The following MAP3K4 variants were observed in gnomAD, a reference collection of about 807,000 sequenced individuals.
The protein encoded by MAP3K4 is mitogen-activated protein kinase kinase kinase 4, also known as MAP three kinase 1.
Under a neutral mutation model 185.6 loss-of-function variants are expected in MAP3K4, and 67 were observed. The observed-to-expected ratio is 0.36, with a 90% CI of 0.30 to 0.44. The LOEUF is 0.44. Among genes scored for constraint, MAP3K4 ranks in the 20% least tolerant of loss-of-function variants. MAP3K4 has a pLI of 1.00. For synonymous variants in MAP3K4, 702 were observed against 710.4 expected, an observed-to-expected ratio of 0.99 and a Z score of 0.19; for missense variants, 1,551 against 1,995.1, an observed-to-expected ratio of 0.78 and a Z score of 4.24.
In MAP3K4 at chr6:161,056,624, T is replaced by G. The variant is rs1299851246; in HGVS notation, c.1707+6645T>G. On this transcript the variant is annotated intron_variant, in intron 3 of 26. Coordinates refer to ENST00000392142, the MANE Select transcript of MAP3K4 (RefSeq NM_005922.4). This position sits in a 1 kb window ranked among gnomAD's most constrained non-coding sequence, Gnocchi z 5.4. ...CATACGTGTAAAGTAGTTTCAGAAT[T>G]GCTAACCAGTACCCCTGTGAGGAAT... Among the ~76,000 whole-genome samples the G allele has an allele frequency of 6.6e-6, 1 of 152,212 alleles. No individual in the cohort carries two copies. Among genetic ancestry groups the G allele is most frequent in the Non-Finnish European group, 1.5e-5 (1 of 68,040 alleles).
At chr6:161,000,795 A>G (rs555103104) in intron 1 of MAP3K4, among the ~76,000 whole-genome samples, 1 of 141,690 alleles carries the variant, frequency 7.1e-6, no homozygotes, top group East Asian at 1.9e-4. Context: ...ATATACACAC[A>G]TGTGTACACC....
Position 161,049,457 on chromosome 6 carries a change from G to A in MAP3K4, c.1185G>A (p.Leu395=), listed in dbSNP as rs1783899772. 1 of 1,614,064 alleles carries A rather than the reference G, an allele frequency of 6.2e-7. No homozygotes were observed. The highest frequency in any genetic ancestry group is 1.3e-5 in the African/African-American group (1 of 74,930). The change falls in exon 3 of 27, where the codon TTG becomes TTA. Residue 395 remains leucine, a synonymous_variant. Transcript: ENST00000392142. The surrounding 1 kb of genome is among the most constrained non-coding windows in gnomAD (Gnocchi z 8.4). ...AGGACAGGGTGCAGGCACTCTGTTT[G>A]TGGTTAAACATCACAAAAGACTTAA... ...DFQDRVQALC[L]WLNITKDLNQ...
Position 161,092,057 on chromosome 6 carries a change from G to A in MAP3K4, c.3183G>A (p.Lys1061=), listed in dbSNP as rs768841963. The A allele has an allele frequency of 1.2e-6, 2 of 1,613,620 alleles. No individual in the cohort carries two copies. Among genetic ancestry groups the A allele is most frequent in the Non-Finnish European group, 8.5e-7 (1 of 1,179,592 alleles). ...TGATGTCTGGGGAGTTTAGACAGAA[G>A]ATAGGAGACAAATATATAAGCTTTG... is the stretch of plus-strand genomic sequence containing the variant. ...VRLMSGEFRQ[K]IGDKYISFAR... The change falls in exon 13 of 27, where the codon AAG becomes AAA. Residue 1061 remains lysine, a synonymous_variant. Transcript: ENST00000392142.
chr6:161,001,446 G>C (rs972344738), intron 1 of MAP3K4, among the ~76,000 whole-genome samples: 1 of 151,756 alleles, frequency 6.6e-6, no homozygotes, highest in Non-Finnish European at 1.5e-5. Context: ...CATTTCCCCC[G>C]CTTCCCCCCA....
intron 1 of MAP3K4, among the ~76,000 whole-genome samples, chr6:161,021,235 G>A (rs1782370990): frequency 6.6e-6 from 1 of 152,134 alleles, no homozygotes; most frequent in African/African-American, 2.4e-5. Context: ...TTTTCCCTCT[G>A]TTAGCTACCA....
chr6:161,108,021 G>A lies in MAP3K4; in HGVS notation c.4119+52G>A, dbSNP rs748581656. 1 of 1,517,076 alleles carries A rather than the reference G, an allele frequency of 6.6e-7. No individual in the cohort carries two copies. Among genetic ancestry groups the A allele is most frequent in the African/African-American group, 1.4e-5 (1 of 72,810 alleles). The allele number at this position is 1,517,076 out of a possible 1,614,324, so 94.0% of individuals were successfully genotyped here. On this transcript the variant is annotated intron_variant, in intron 21 of 26. Coordinates refer to ENST00000392142, the MANE Select transcript of MAP3K4 (RefSeq NM_005922.4). The surrounding 1 kb of genome is among the most constrained non-coding windows in gnomAD (Gnocchi z 5.7). ...TTGGGCCTGGCGGCTCTGGGTGATAGAAATTCCGTATAGACGCTGGTCGTG... is the reference window on the plus strand; with the variant it reads ...TTGGGCCTGGCGGCTCTGGGTGATAAAAATTCCGTATAGACGCTGGTCGTG...
rs540116166 is a variant in MAP3K4, at chr6:160,996,529, G to A, written c.152+4446G>A. 3.3e-5 allele frequency among the ~76,000 whole-genome samples: 5 copies of A among 152,234 alleles called. No homozygotes were observed. In the South Asian group the frequency reaches 1.0e-3, roughly 32 times the overall value. On this transcript the variant is annotated intron_variant, in intron 1 of 26. Transcript: ENST00000392142. The surrounding 1 kb of genome is among the most constrained non-coding windows in gnomAD (Gnocchi z 4.5). Reference sequence around the variant, plus strand: ...CCTCATGACTATGATTTTACTCATAGCATTCTATTGTCTCAGCCTTGTCAT... The same window carrying A: ...CCTCATGACTATGATTTTACTCATAACATTCTATTGTCTCAGCCTTGTCAT...
At chr6:161,068,044 T>C (rs1255529158) in intron 3 of MAP3K4, among the ~76,000 whole-genome samples, 1 of 152,200 alleles carries the variant, frequency 6.6e-6, no homozygotes, top group East Asian at 1.9e-4. Flanking sequence ...ACTGGCACTT[T>C]TATAGGAGTA....
chr6:161,047,149 TA>T (rs1783768466), intron 2 of MAP3K4, among the ~76,000 whole-genome samples: 1 of 143,548 alleles, frequency 7.0e-6, no homozygotes, highest in African/African-American at 2.6e-5. Context: ...TATATATGTT[TA>T]AAAAAATGGG....
At position 161,106,380 on chromosome 6, in the gene MAP3K4, G is replaced by A. The variant is rs539394689; in HGVS notation, c.3857-134G>A. On this transcript the variant is annotated intron_variant, in intron 19 of 26. Transcript: ENST00000392142. This position sits in a 1 kb window ranked among gnomAD's most constrained non-coding sequence, Gnocchi z 4.9. ...TTTGAAGAACTTTAATTCACCTGCT[G>A]TTTATCTGAATAGATAATAAGCTTT... The A allele has an allele frequency of 8.3e-6, 5 of 601,660 alleles. No individual in the cohort carries two copies. 37.3% of individuals were successfully genotyped at this position (601,660 alleles called of 1,614,324 possible).
rs1223939955 is a variant in MAP3K4, at chr6:161,077,523, C to A, written c.2098-3358C>A. Among the ~76,000 whole-genome samples the A allele has an allele frequency of 2.0e-5, 3 of 152,200 alleles. No homozygotes were observed. Among genetic ancestry groups the A allele is most frequent in the African/African-American group, 7.2e-5 (3 of 41,456 alleles). ...CCTGGCAAGAGCAAGGCACCGCAGG[C>A]AGCCTGTGGGGGCTCCAGCTGCAGG... On this transcript the variant is annotated intron_variant, in intron 5 of 26. Coordinates refer to ENST00000392142, the MANE Select transcript of MAP3K4 (RefSeq NM_005922.4). This position sits in a 1 kb window ranked among gnomAD's most constrained non-coding sequence, Gnocchi z 4.3.
chr6:161,069,128 T>C (rs967359500), intron 3 of MAP3K4, among the ~76,000 whole-genome samples: 2 of 152,212 alleles, frequency 1.3e-5, no homozygotes, highest in Admixed American at 6.5e-5. Flanking sequence ...AGTTGATGGC[T>C]CTATTTTTAA....
At chr6:161,111,731 G>A (rs756454919) in intron 23 of MAP3K4, 105 bp from the exon 24 acceptor site, 10 of 1,086,486 alleles carry the variant, frequency 9.2e-6, no homozygotes, top group East Asian at 4.9e-5. Flanking sequence ...TAAGCCTTTC[G>A]ATTGTTTAGC....
At position 161,049,493 on chromosome 6, in the gene MAP3K4, A is replaced by T; in HGVS notation, c.1221A>T (p.Leu407Phe). Residue 407 changes from leucine (L) to phenylalanine (F), a missense_variant, in exon 3 of 27, where the codon TTA becomes TTT. This residue lies in a region of MAP3K4 where 24 missense variants were observed against 48.5 expected (regional missense o/e 0.49). Transcript: ENST00000392142. This position sits in a 1 kb window ranked among gnomAD's most constrained non-coding sequence, Gnocchi z 8.4. ...TCACAAAAGACTTAAATCAGAAATTAAGGATTATGGGCACTGTTTTGGGCA... is the reference window on the plus strand; with the variant it reads ...TCACAAAAGACTTAAATCAGAAATTTAGGATTATGGGCACTGTTTTGGGCA... ...LNITKDLNQKLRIMGTVLGIK... is the reference protein window; with the variant it reads ...LNITKDLNQKFRIMGTVLGIK... 6.2e-7 allele frequency: 1 copy of T among 1,614,198 alleles called. No homozygotes were observed. The highest frequency in any genetic ancestry group is 8.5e-7 in the Non-Finnish European group (1 of 1,180,020).
In MAP3K4 at chr6:161,091,565, C is replaced by G; in HGVS notation, c.3135+25C>G. The G allele has an allele frequency of 3.1e-6, 5 of 1,595,778 alleles. No individual in the cohort carries two copies. In the South Asian group the frequency reaches 3.4e-5, roughly 11 times the overall value. On this transcript the variant is annotated intron_variant, in intron 12 of 26. Transcript: ENST00000392142. The surrounding 1 kb of genome is among the most constrained non-coding windows in gnomAD (Gnocchi z 5.5). ...GGTAGGTTCAAAATAAGAGGAAACA[C>G]GGTACAATTTAGTAATTGCTTGATA...
chr6:161,092,942 G>T (rs1777392982), intron 13 of MAP3K4, 36 bp from the exon 14 acceptor site: 1 of 1,295,746 alleles, frequency 7.7e-7, no homozygotes, highest in Non-Finnish European at 1.1e-6. Flanking sequence ...CGTTTTCTTG[G>T]TTGTTATGTG....
rs554578179 is a variant in MAP3K4, at chr6:161,021,357, G to A, written c.153-12902G>A. 3.9e-5 allele frequency among the ~76,000 whole-genome samples: 6 copies of A among 152,208 alleles called. No individual in the cohort carries two copies. In the East Asian group the frequency reaches 1.2e-3, roughly 29 times the overall value. ...TGCTTCTGGGACTCGGATTCACTCC[G>A]CCTGCCCCACCCTGGGTTGTCATGG... On this transcript the variant is annotated intron_variant, in intron 1 of 26. Coordinates refer to ENST00000392142, the MANE Select transcript of MAP3K4 (RefSeq NM_005922.4).
chr6:161,039,819 C>T (rs1783363932), intron 2 of MAP3K4, among the ~76,000 whole-genome samples: 1 of 152,176 alleles, frequency 6.6e-6, no homozygotes, highest in Non-Finnish European at 1.5e-5. Flanking sequence ...CTCTTTTCCA[C>T]TTAGTAATAG....
At position 161,034,503 on chromosome 6, in the gene MAP3K4, AT is replaced by A; in HGVS notation, c.343+56del. 1 of 1,369,568 alleles carries A rather than the reference AT, an allele frequency of 7.3e-7. No homozygotes were observed. The highest frequency in any genetic ancestry group is 1.0e-6 in the Non-Finnish European group (1 of 993,756). The allele number at this position is 1,369,568 out of a possible 1,614,324, so 84.8% of individuals were successfully genotyped here. ...CATGAGAGGGTATGGCACTTGATTG[AT>A]TCTTTCAACAATAAAGTTAGCAATT... On this transcript the variant is annotated intron_variant, in intron 2 of 26. Coordinates refer to ENST00000392142, the MANE Select transcript of MAP3K4 (RefSeq NM_005922.4). The surrounding 1 kb of genome is among the most constrained non-coding windows in gnomAD (Gnocchi z 4.4).
Sources: gnomAD v4.1 joint callset for allele counts (sites outside exome capture counted in the v4.1 genomes callset) on GRCh38, gnomAD v4.1.1 for gene constraint, gnomAD v4.1.1 regional missense constraint, Gnocchi (gnomAD v3.1) non-coding constraint, MANE v1.5 for transcripts, NCBI Gene and HGNC (gene_info 2026-07-23, HGNC 2026-07-21) for gene names.